Variants in ZNF33B observed in about 807,000 individuals in gnomAD.
ZNF33B encodes the protein zinc finger protein 11b (KOX 2).
Under a neutral mutation model 45.8 loss-of-function variants are expected in ZNF33B, and 29 were observed. The ratio of observed to expected loss-of-function variants is 0.63; its 90% confidence interval spans 0.47 to 0.86. The LOEUF (loss-of-function observed/expected upper bound fraction) is 0.86, where lower values mean the gene tolerates loss of function less well. ZNF33B is among the 40% of genes least tolerant of loss of function. ZNF33B has a pLI of 0.00. For missense variants in ZNF33B, 831 were observed against 909.9 expected (o/e 0.91, Z 1.12); for synonymous variants, 305 against 307.8 (o/e 0.99, Z 0.10).
chr10:42,626,890 T>TAC (rs1838833260), intron 4 of ZNF33B, among the ~76,000 whole-genome samples: 2 of 152,114 alleles, frequency 1.3e-5, no homozygotes, highest in Non-Finnish European at 2.9e-5. Flanking sequence ...TTGATTCAAA[T>TAC]TAAGTCAACT....
At chr10:42,616,232 T>TA (rs200532665) in intron 4 of ZNF33B, among the ~76,000 whole-genome samples, 5 of 150,724 alleles carry the variant, frequency 3.3e-5, no homozygotes, top group East Asian at 3.9e-4. Flanking sequence ...AACTCCATAT[T>TA]AAAAAAAAAT....
chr10:42,632,123 G>C (rs1839088064), intron 3 of ZNF33B, 99 bp from the exon 4 acceptor site: 2 of 1,485,428 alleles, frequency 1.3e-6, no homozygotes, highest in Admixed American at 3.6e-5. Flanking sequence ...GTTGCCAGTG[G>C]AACATTTTCA....
At chr10:42,623,196 G>A (rs532147526) in intron 4 of ZNF33B, among the ~76,000 whole-genome samples, 2 of 152,364 alleles carry the variant, frequency 1.3e-5, no homozygotes, top group South Asian at 4.1e-4. Flanking sequence ...GAACACAGGA[G>A]GCAGAGGCTG....
intron 1 of ZNF33B, among the ~76,000 whole-genome samples, chr10:42,577,741 A>T (rs1836768618): frequency 1.3e-5 from 2 of 152,188 alleles, no homozygotes; most frequent in Admixed American, 6.5e-5. Context: ...GTATCCTGGC[A>T]AGTGGATTCA....
At chr10:42,627,993 G>T (rs754099740) in intron 4 of ZNF33B, among the ~76,000 whole-genome samples, 28 of 149,322 alleles carry the variant, frequency 1.9e-4, no homozygotes, top group Non-Finnish European at 3.6e-4. Context: ...GAAAAAAATT[G>T]TATTTTGCTG....
chr10:42,600,342 G>C (rs1161593707), intron 4 of ZNF33B, among the ~76,000 whole-genome samples: 2 of 152,030 alleles, frequency 1.3e-5, no homozygotes, highest in South Asian at 2.1e-4. Flanking sequence ...AGATCTATCA[G>C]ATTTTGCTTC....
At position 42,593,310 on chromosome 10, in the gene ZNF33B, T is replaced by C. The variant is rs1446643013; in HGVS notation, c.1640A>G (p.His547Arg). ...ACATGCAAAGGGTTTCTCCCCTGTG[T>C]GCGTTCTCTGATGTATTGTGAGGTC... ...KSDLTIHQRTHTGEKPFACPE... is the reference protein window; with the variant it reads ...KSDLTIHQRTRTGEKPFACPE... The change falls in exon 5 of 5, where the codon CAC becomes CGC. Residue 547 changes from histidine (H) to arginine (R), a missense_variant. Transcript: ENST00000359467. 9 of 1,613,912 alleles carry C rather than the reference T, an allele frequency of 5.6e-6. No individual in the cohort carries two copies. Among genetic ancestry groups the C allele is most frequent in the Non-Finnish European group, 7.6e-6 (9 of 1,179,978 alleles).
intron 4 of ZNF33B, among the ~76,000 whole-genome samples, chr10:42,629,242 G>C (rs1838943163): frequency 6.6e-6 from 1 of 151,818 alleles, no homozygotes; most frequent in Admixed American, 6.6e-5. Context: ...TAAAACAACT[G>C]AACTCATGGA....
intron 2 of ZNF33B, among the ~76,000 whole-genome samples, 193 bp from the exon 3 acceptor site, chr10:42,632,632 G>A (rs1246654185): frequency 6.6e-6 from 1 of 152,088 alleles, no homozygotes; most frequent in Non-Finnish European, 1.5e-5. Flanking sequence ...AATGTACCTG[G>A]AACTATCATC....
In ZNF33B at chr10:42,589,520, T is replaced by C. The variant is rs1421346944; in HGVS notation, c.*3093A>G. 1 of 152,232 alleles carries C rather than the reference T, an allele frequency of 6.6e-6. No individual in the cohort carries two copies. Among genetic ancestry groups the C allele is most frequent in the Admixed American group, 6.5e-5 (1 of 15,288 alleles). The allele number at this position is 152,232 out of a possible 1,614,324, so 9.4% of individuals were successfully genotyped here. A position where few individuals can be genotyped will look rare whatever the true frequency, so the allele number is the denominator to read the frequency against. On this transcript the variant is annotated 3_prime_UTR_variant, in exon 5 of 5. Coordinates refer to ENST00000359467, the MANE Select transcript of ZNF33B (RefSeq NM_006955.3). ...CTCGATAGTTTTGCCTCTCCCAGAA[T>C]GTCATATAATTGCAATCATACAACA...
At chr10:42,622,394 AG>A (rs998192029) in intron 4 of ZNF33B, among the ~76,000 whole-genome samples, 1 of 152,238 alleles carries the variant, frequency 6.6e-6, no homozygotes, top group Admixed American at 6.5e-5. Context: ...TTTAAAAAGA[AG>A]AACAAAGTCA....
At chr10:42,612,543 T>C (rs781749883) in intron 4 of ZNF33B, among the ~76,000 whole-genome samples, 12 of 152,180 alleles carry the variant, frequency 7.9e-5, no homozygotes, top group East Asian at 1.9e-4. Flanking sequence ...GCCAGATTAA[T>C]TGATTTTCAA....
intron 1 of ZNF33B, among the ~76,000 whole-genome samples, chr10:42,577,132 C>CAAAAA (rs71014272): frequency 1.3e-4 from 11 of 81,642 alleles, no homozygotes; most frequent in African/African-American, 4.6e-4. Flanking sequence ...GACTCCATCT[C>CAAAAA]AAAAAAAAAA....
downstream of ZNF33B, among the ~76,000 whole-genome samples, chr10:42,587,347 C>T (rs1836955841): frequency 6.6e-6 from 1 of 151,980 alleles, no homozygotes; most frequent in Non-Finnish European, 1.5e-5. Flanking sequence ...TTACAGGTGC[C>T]CACAACACCC....
chr10:42,633,246 C>T (rs1460755983), intron 2 of ZNF33B, among the ~76,000 whole-genome samples: 2 of 152,132 alleles, frequency 1.3e-5, no homozygotes, highest in South Asian at 2.1e-4. Flanking sequence ...GATCTTGGAA[C>T]TATTATACTT....
At chr10:42,635,134 G>A (rs1185835095) in intron 2 of ZNF33B, among the ~76,000 whole-genome samples, 1 of 152,060 alleles carries the variant, frequency 6.6e-6, no homozygotes, top group Admixed American at 6.5e-5. Context: ...TCAGCTACTG[G>A]GGAGGCTTAG....
chr10:42,603,914 G>A (rs769642848), intron 4 of ZNF33B, among the ~76,000 whole-genome samples: 4 of 152,180 alleles, frequency 2.6e-5, no homozygotes, highest in Non-Finnish European at 5.9e-5. Context: ...CTCTCAAATA[G>A]TAGTCAAGTT....
At position 42,593,233 on chromosome 10, in the gene ZNF33B, T is replaced by C; in HGVS notation, c.1717A>G (p.Arg573Gly). Residue 573 changes from arginine to glycine, a missense_variant, in exon 5 of 5, where the codon AGA becomes GGA. By Grantham distance (125) the Arg-to-Gly change is moderately radical. Transcript: ENST00000359467. The part of the protein sequence containing the change: ...SHKSTLSQHY[R>G]THTGEKPYEC... ...TAGGGTTTCTCCCCCGTGTGTGTTC[T>C]ATAATGTTGAGAGAGGGTTGACTTA... The C allele has an allele frequency of 1.9e-6, 3 of 1,613,920 alleles. No homozygotes were observed. The highest frequency in any genetic ancestry group is 1.6e-4 in the Middle Eastern group (1 of 6,062).
At chr10:42,635,468 T>A (rs1301851693) in intron 2 of ZNF33B, among the ~76,000 whole-genome samples, 2 of 152,136 alleles carry the variant, frequency 1.3e-5, no homozygotes, top group Non-Finnish European at 2.9e-5. Flanking sequence ...TTGTAATAAT[T>A]CATTAAGTTC....
Sources: allele counts gnomAD v4.1 joint callset (sites outside exome capture counted in the v4.1 genomes callset), GRCh38; gene constraint gnomAD v4.1.1; transcripts MANE v1.5; gene names NCBI Gene and HGNC (gene_info 2026-07-23, HGNC 2026-07-21).